Variants in SLC15A4 observed in about 807,000 individuals in gnomAD.
SLC15A4 encodes the protein hPHT1.
SLC15A4 carries 26 observed loss-of-function variants against 46.1 expected under a neutral mutation model. The observed-to-expected ratio is 0.56, with a 90% CI of 0.41 to 0.78. The LOEUF is 0.78. Among genes scored for constraint, SLC15A4 ranks in the 30% least tolerant of loss-of-function variants. SLC15A4 has a pLI of 0.00. For missense variants in SLC15A4, 751 were observed against 755.7 expected (o/e 0.99, Z 0.07); for synonymous variants, 370 against 333.4 (o/e 1.11, Z -1.20).
At chr12:128,797,056 A>G (rs1434622264) in intron 7 of SLC15A4, among the ~76,000 whole-genome samples, 2 of 152,192 alleles carry the variant, frequency 1.3e-5, no homozygotes, top group African/African-American at 4.8e-5. Context: ...CTTCACAGAC[A>G]GAAGGATAAT....
Position 128,799,004 on chromosome 12 carries a change from C to T in SLC15A4, c.1573+255G>A, listed in dbSNP as rs186382159. Among the ~76,000 whole-genome samples the T allele has an allele frequency of 2.3e-3, 357 of 152,190 alleles. 2 individuals are homozygous for T. The highest frequency in any genetic ancestry group is 8.0e-3 in the African/African-American group (334 of 41,518). ...AGGAGCGGTGGCTGCAGCAGCTGCT[C>T]GCTGGGCTGTGGCCAGGGCAGGCTT... On this transcript the variant is annotated intron_variant, in intron 7 of 7. Coordinates refer to ENST00000266771, the MANE Select transcript of SLC15A4 (RefSeq NM_145648.4).
At chr12:128,811,105 G>C (rs780462430) in intron 2 of SLC15A4, among the ~76,000 whole-genome samples, 2 of 152,142 alleles carry the variant, frequency 1.3e-5, no homozygotes, top group Admixed American at 6.5e-5. Context: ...AGACAGCTCC[G>C]CACTCTCTCC....
rs918479751 is a variant in SLC15A4, at chr12:128,793,432, T to A, written c.*764A>T. 4 of 152,160 alleles carry A rather than the reference T, an allele frequency of 2.6e-5. No homozygotes were observed. Among genetic ancestry groups the A allele is most frequent in the South Asian group, 2.1e-4 (1 of 4,834 alleles). The allele number at this position is 152,160 out of a possible 1,614,324, so 9.4% of individuals were successfully genotyped here. On this transcript the variant is annotated 3_prime_UTR_variant, in exon 8 of 8. Transcript: ENST00000266771. ...AACCATGATCAGTCTTTAGTCTCAA[T>A]CGTACCAAAATAAAGCTATATATAA...
chr12:128,814,661 C>T lies in SLC15A4; in HGVS notation c.842+114G>A, dbSNP rs905314445. The T allele has an allele frequency of 2.1e-5, 23 of 1,107,004 alleles. No homozygotes were observed. In the Admixed American group the frequency reaches 5.1e-4, roughly 25 times the overall value. 68.6% of individuals were successfully genotyped at this position (1,107,004 alleles called of 1,614,324 possible). On this transcript the variant is annotated intron_variant, in intron 2 of 7. Coordinates refer to ENST00000266771, the MANE Select transcript of SLC15A4 (RefSeq NM_145648.4). The stretch of plus-strand genomic sequence containing the variant: ...TGTTAAAGGAGAGAAGACATGTAAA[C>T]CACTCAGCCCAGGCCCAGCACACAA...
In SLC15A4 at chr12:128,823,508, G is replaced by A. The variant is rs2135728599; in HGVS notation, c.436C>T (p.Pro146Ser). 2.7e-6 allele frequency: 4 copies of A among 1,484,090 alleles called. No homozygotes were observed. In the South Asian group the frequency reaches 5.1e-5, roughly 19 times the overall value. 91.9% of individuals were successfully genotyped at this position (1,484,090 alleles called of 1,614,324 possible). The stretch of plus-strand genomic sequence containing the variant: ...GAGCAGCAGCGGGCGGCGGCGTCGG[G>A]ACCAGGCGCCGTGCAGTTGAGCAGG... ...ARLLNCTAPG[P>S]DAAARCCSPA... Residue 146 changes from proline to serine, a missense_variant, in exon 1 of 8, where the codon CCC (proline) becomes TCC (serine). By Grantham distance (74) the Pro-to-Ser change is moderately conservative. Transcript: ENST00000266771.
chr12:128,823,030 G>A (rs751049906), intron 1 of SLC15A4, among the ~76,000 whole-genome samples: 1 of 151,252 alleles, frequency 6.6e-6, no homozygotes, highest in African/African-American at 2.4e-5. Flanking sequence ...TAGAGATGAG[G>A]TCTCACTGTG....
chr12:128,809,841 A>C, intron 3 of SLC15A4, 102 bp downstream of exon 3: 1 of 1,237,156 alleles, frequency 8.1e-7, no homozygotes, highest in Non-Finnish European at 1.1e-6. Flanking sequence ...CATGGGAAAA[A>C]AAATCACCTA....
intron 1 of SLC15A4, among the ~76,000 whole-genome samples, chr12:128,821,977 C>T (rs1266735304): frequency 6.6e-6 from 1 of 151,952 alleles, no homozygotes. Flanking sequence ...TGACCTGCTA[C>T]CCCAGCTGTA....
intron 7 of SLC15A4, among the ~76,000 whole-genome samples, chr12:128,795,004 C>G (rs183333310): frequency 3.9e-5 from 6 of 152,292 alleles, no homozygotes; most frequent in Admixed American, 3.9e-4. Context: ...TGGCCTGGAA[C>G]TGCATTGTTG....
chr12:128,796,936 C>A (rs965095444), intron 7 of SLC15A4, among the ~76,000 whole-genome samples: 1 of 152,198 alleles, frequency 6.6e-6, no homozygotes, highest in African/African-American at 2.4e-5. Flanking sequence ...TCCAAGCCCG[C>A]AGGCAGACAC....
At chr12:128,814,685 A>C in intron 2 of SLC15A4, 90 bp downstream of exon 2, 5 of 1,384,460 alleles carry the variant, frequency 3.6e-6, no homozygotes, top group Non-Finnish European at 5.0e-6. Context: ...CCCAGCACAC[A>C]ATAAGCACAC....
intron 5 of SLC15A4, among the ~76,000 whole-genome samples, chr12:128,804,065 A>G (rs1179304154): frequency 6.6e-6 from 1 of 152,144 alleles, no homozygotes; most frequent in Non-Finnish European, 1.5e-5. Context: ...CCTAATTAAT[A>G]CCGTTGGTAG....
chr12:128,800,669 AAAG>A (rs1955507583), intron 6 of SLC15A4, 182 bp downstream of exon 6: 1 of 538,600 alleles, frequency 1.9e-6, no homozygotes, highest in African/African-American at 1.9e-5. Flanking sequence ...GTTTTTACAC[AAAG>A]AATGGAGAAC....
chr12:128,813,020 A>G (rs1227442341), intron 2 of SLC15A4, among the ~76,000 whole-genome samples: 1 of 152,214 alleles, frequency 6.6e-6, no homozygotes, highest in East Asian at 1.9e-4. Context: ...ATATGTCCAC[A>G]GAACAATGCT....
chr12:128,797,921 C>T (rs1566044259), intron 7 of SLC15A4, among the ~76,000 whole-genome samples: 1 of 152,240 alleles, frequency 6.6e-6, no homozygotes, highest in African/African-American at 2.4e-5. Flanking sequence ...CTGGCAAACA[C>T]GCCTCCTTCA....
chr12:128,808,696 A>G, intron 5 of SLC15A4, 92 bp downstream of exon 5: 1 of 1,320,104 alleles, frequency 7.6e-7, no homozygotes, highest in South Asian at 1.3e-5. Flanking sequence ...CTTCCTGAAC[A>G]ACCTGGGGCA....
At chr12:128,812,207 A>G (rs1955666385) in intron 2 of SLC15A4, among the ~76,000 whole-genome samples, 1 of 152,250 alleles carries the variant, frequency 6.6e-6, no homozygotes, top group Non-Finnish European at 1.5e-5. Context: ...TTCAAAACAC[A>G]GATCAACCTG....
chr12:128,823,564 GC>G lies in SLC15A4; in HGVS notation c.379del (p.Ala127ProfsTer84). The G allele has an allele frequency of 6.9e-7, 1 of 1,441,652 alleles. No individual in the cohort carries two copies. Among genetic ancestry groups the G allele is most frequent in the South Asian group, 1.4e-5 (1 of 72,264 alleles). 89.3% of individuals were successfully genotyped at this position (1,441,652 alleles called of 1,614,324 possible). A position where few individuals can be genotyped will look rare whatever the true frequency, so the allele number is the denominator to read the frequency against. The part of the protein sequence containing the change: ...MLAFPLLAAP[A>X]TRAALCGSAR... ...GGAACCGCAGAGCGCGGCTCGCGTG[GC>G]GGGCGCGGCCAGCAGCGGGAAGGCC... On this transcript the variant is annotated frameshift_variant, in exon 1 of 8. Coordinates refer to ENST00000266771, the MANE Select transcript of SLC15A4 (RefSeq NM_145648.4). LOFTEE classifies it high-confidence loss of function.
chr12:128,801,266 C>T (rs1367348907), intron 5 of SLC15A4: 1 of 337,352 alleles, frequency 3.0e-6, no homozygotes, highest in South Asian at 5.7e-5. Context: ...AGATGTTCAA[C>T]ATGTTTCATT....
Sources: allele counts gnomAD v4.1 joint callset (sites outside exome capture counted in the v4.1 genomes callset), GRCh38; gene constraint gnomAD v4.1.1; transcripts MANE v1.5; gene names NCBI Gene and HGNC (gene_info 2026-07-23, HGNC 2026-07-21).